LHFPL6: variants seen among roughly 807,000 people sequenced by gnomAD.
LHFPL6 encodes the protein LHFPL tetraspan subfamily member 6 protein.
A neutral mutation model predicts 20.6 loss-of-function variants in LHFPL6; 9 were observed. The ratio of observed to expected loss-of-function variants is 0.44; its 90% CI spans 0.26 to 0.76. The LOEUF (loss-of-function observed/expected upper bound fraction) is 0.76. Ranked by LOEUF, LHFPL6 falls within the 30% of genes least tolerant of loss-of-function variation. The probability of loss-of-function intolerance (pLI) is 0.20; values close to 1 mark genes in which losing one functional copy is unlikely to be tolerated. For synonymous variants in LHFPL6, 105 were observed against 98.7 expected (o/e 1.06, Z -0.38); for missense variants, 218 against 253.5 (o/e 0.86, Z 0.95).
At chr13:39,474,186 T>C (rs1873021398) in intron 2 of LHFPL6, among the ~76,000 whole-genome samples, 1 of 152,248 alleles carries the variant, frequency 6.6e-6, no homozygotes, top group Non-Finnish European at 1.5e-5. Context: ...CTGTAGCTTC[T>C]GGTCTGTGAA....
At chr13:39,449,096 G>A (rs1872371198) in intron 2 of LHFPL6, among the ~76,000 whole-genome samples, 1 of 152,206 alleles carries the variant, frequency 6.6e-6, no homozygotes, top group South Asian at 2.1e-4. Context: ...TCACAAGCCA[G>A]GGAAGCTTTT....
In LHFPL6 at chr13:39,369,797, A is replaced by G. The variant is rs117788841; in HGVS notation, c.484+8631T>C. 4.1e-3 allele frequency among the ~76,000 whole-genome samples: 625 copies of G among 152,196 alleles called. 2 individuals are homozygous for G. The highest frequency in any genetic ancestry group is 6.7e-3 in the Non-Finnish European group (458 of 68,008). On this transcript the variant is annotated intron_variant, in intron 3 of 3. Coordinates refer to ENST00000379589, the MANE Select transcript of LHFPL6 (RefSeq NM_005780.3). ...TTTGCTTGAGGAAGTAAGTGAATCT[A>G]TTGAACACCAAACACCAAGCTAGGC... is the stretch of plus-strand genomic sequence containing the variant.
intron 2 of LHFPL6, among the ~76,000 whole-genome samples, chr13:39,471,062 G>C (rs939711660): frequency 5.9e-5 from 9 of 152,190 alleles, no homozygotes; most frequent in Non-Finnish European, 8.8e-5. Flanking sequence ...AGGATTTAGA[G>C]ACCAGCCAGG....
intron 3 of LHFPL6, among the ~76,000 whole-genome samples, chr13:39,345,381 T>G (rs1176848269): frequency 6.6e-6 from 1 of 151,048 alleles, no homozygotes; most frequent in Non-Finnish European, 1.5e-5. Flanking sequence ...AGCATGGTGG[T>G]GGGCACCTGT....
rs180720529 is a variant in LHFPL6, at chr13:39,481,439, C to T, written c.386-102913G>A. On this transcript the variant is annotated intron_variant, in intron 2 of 3. Transcript: ENST00000379589. ...TAAAGAAGAAAGACCTTTTCAGATG[C>T]TACTAAGTGCTGTGAAGAAAATACG... 3.0e-3 allele frequency among the ~76,000 whole-genome samples: 461 copies of T among 152,250 alleles called. 2 individuals carry two copies. The highest frequency in any genetic ancestry group is 0.011 in the African/African-American group (439 of 41,542).
intron 2 of LHFPL6, among the ~76,000 whole-genome samples, chr13:39,443,003 T>G (rs1872182303): frequency 6.6e-6 from 1 of 152,178 alleles, no homozygotes; most frequent in Non-Finnish European, 1.5e-5. Context: ...GTCCCTGCTG[T>G]GGCTTCAATG....
rs561041242 is a variant in LHFPL6, at chr13:39,538,137, A to C, written c.385+62695T>G. ...CCCAAGTAGATGGGACAACAGGTGC[A>C]CACCACCACAGCTGGCTAATTTTTG... On this transcript the variant is annotated intron_variant, in intron 2 of 3. Transcript: ENST00000379589. 5.3e-5 allele frequency among the ~76,000 whole-genome samples: 8 copies of C among 151,674 alleles called. No individual in the cohort carries two copies. The South Asian group carries it at 1.7e-3, about 32-fold the overall frequency.
In LHFPL6 at chr13:39,541,797, T is replaced by C. The variant is rs1870807865; in HGVS notation, c.385+59035A>G. Among the ~76,000 whole-genome samples the C allele has an allele frequency of 2.6e-5, 4 of 152,080 alleles. No homozygotes were observed. In the South Asian group the frequency reaches 6.2e-4, roughly 24 times the overall value. On this transcript the variant is annotated intron_variant, in intron 2 of 3. Transcript: ENST00000379589. ...GTAGCAGAATCTCATTTAAAATGCATGGGACAGGTTGGCTGGGTGCAGTGG... is the reference window on the plus strand; with the variant it reads ...GTAGCAGAATCTCATTTAAAATGCACGGGACAGGTTGGCTGGGTGCAGTGG...
chr13:39,346,435 A>C (rs866040863), intron 3 of LHFPL6, among the ~76,000 whole-genome samples: 3 of 152,192 alleles, frequency 2.0e-5, no homozygotes, highest in South Asian at 4.1e-4. Context: ...ACATGGAGTA[A>C]ATATTAATGC....
chr13:39,467,025 G>A (rs1035603493), intron 2 of LHFPL6, among the ~76,000 whole-genome samples: 2 of 152,088 alleles, frequency 1.3e-5, no homozygotes, highest in South Asian at 4.1e-4. Context: ...TGTGCCACGC[G>A]AATAGAAAAA....
intron 2 of LHFPL6, among the ~76,000 whole-genome samples, chr13:39,379,674 C>T (rs1401112387): frequency 2.6e-5 from 4 of 152,194 alleles, no homozygotes; most frequent in Non-Finnish European, 5.9e-5. Flanking sequence ...AATCTGTTTC[C>T]TTACAGGTAA....
rs71077297 is a variant in LHFPL6, at chr13:39,418,382, C to CT, written c.386-39857dup. On this transcript the variant is annotated intron_variant, in intron 2 of 3. Transcript: ENST00000379589. ...TTTTAAAGGGTAAAGTTTTTTTGGTCTTTTTTTTTTTTTTTTTTTCCAGAA... is the reference window on the plus strand; with the variant it reads ...TTTTAAAGGGTAAAGTTTTTTTGGTCTTTTTTTTTTTTTTTTTTTTCCAGAA... Among the ~76,000 whole-genome samples, 53 of 129,738 alleles carry CT rather than the reference C, an allele frequency of 4.1e-4. 1 individual carries two copies. Among genetic ancestry groups the CT allele is most frequent in the African/African-American group, 1.6e-3 (53 of 33,164 alleles). The allele number at this position is 129,738 out of a possible 152,430, so 85.1% of individuals were successfully genotyped here.
chr13:39,534,272 C>T (rs998175125), intron 2 of LHFPL6, among the ~76,000 whole-genome samples: 4 of 152,208 alleles, frequency 2.6e-5, no homozygotes, highest in Middle Eastern at 3.4e-3. Flanking sequence ...GTTCTTTAGG[C>T]AAAGGAAATT....
intron 2 of LHFPL6, among the ~76,000 whole-genome samples, chr13:39,412,634 C>T (rs926154714): frequency 2.0e-5 from 3 of 152,140 alleles, no homozygotes; most frequent in African/African-American, 7.2e-5. Flanking sequence ...CAAATTTATA[C>T]AAATTGTAGG....
chr13:39,589,164 T>G (rs1199182316), intron 2 of LHFPL6, among the ~76,000 whole-genome samples: 1 of 152,188 alleles, frequency 6.6e-6, no homozygotes, highest in East Asian at 1.9e-4. Flanking sequence ...TGGAGTGCAG[T>G]GGCGCCACCT....
At chr13:39,418,246 G>A (rs1466467061) in intron 2 of LHFPL6, among the ~76,000 whole-genome samples, 1 of 152,048 alleles carries the variant, frequency 6.6e-6, no homozygotes. Context: ...TGAAAAAAAT[G>A]CTGCAGGGAT....
intron 3 of LHFPL6, among the ~76,000 whole-genome samples, chr13:39,352,447 G>A (rs553779500): frequency 3.3e-5 from 5 of 152,284 alleles, no homozygotes; most frequent in South Asian, 2.1e-4. Flanking sequence ...TCTGGAAAGC[G>A]CAGCACAGGA....
chr13:39,493,519 C>T (rs1225726153), intron 2 of LHFPL6, among the ~76,000 whole-genome samples: 4 of 151,960 alleles, frequency 2.6e-5, no homozygotes, highest in Non-Finnish European at 5.9e-5. Flanking sequence ...ACTTATAAAA[C>T]AAAAACACAC....
intron 2 of LHFPL6, among the ~76,000 whole-genome samples, chr13:39,587,706 G>A (rs1448905236): frequency 6.6e-6 from 1 of 151,896 alleles, no homozygotes; most frequent in Non-Finnish European, 1.5e-5. Flanking sequence ...AGAGCTAAAA[G>A]GCCAAACAGG....
Sources: gnomAD v4.1 joint callset for allele counts (sites outside exome capture counted in the v4.1 genomes callset) on GRCh38, gnomAD v4.1.1 for gene constraint, MANE v1.5 for transcripts, NCBI Gene and HGNC (gene_info 2026-07-23, HGNC 2026-07-21) for gene names.